RABEP1: variants seen among roughly 807,000 people sequenced by gnomAD.
RABEP1 encodes the protein rabaptin, RAB GTPase binding effector protein 1, also known as rab GTPase-binding effector protein 1.
Under a neutral mutation model 123.4 loss-of-function variants are expected in RABEP1, and 51 were observed. The ratio of observed to expected loss-of-function variants is 0.41; its 90% CI spans 0.33 to 0.52. The LOEUF is 0.52. RABEP1 is among the 20% of genes least tolerant of loss of function. RABEP1 has a pLI of 0.16. For missense variants in RABEP1, 888 were observed against 996.3 expected (o/e 0.89, Z 1.46); for synonymous variants, 347 against 355.2 (o/e 0.98, Z 0.26).
rs181713698 is a variant in RABEP1, at chr17:5,339,147, C to T, written c.648+1009C>T. 2.8e-4 allele frequency among the ~76,000 whole-genome samples: 42 copies of T among 151,212 alleles called. 1 individual carries two copies. In the South Asian group the frequency reaches 3.7e-3, roughly 13 times the overall value. On this transcript the variant is annotated intron_variant, in intron 5 of 17. Transcript: ENST00000537505. ...TGACAGAGTGAGACCCTGTCCCCCA[C>T]ACCCAAAGAAAAAAAGGAAGAAAGT...
intron 2 of RABEP1, among the ~76,000 whole-genome samples, chr17:5,312,399 C>G (rs572288405): frequency 6.6e-6 from 1 of 152,170 alleles, no homozygotes; most frequent in African/African-American, 2.4e-5. Flanking sequence ...GATCTGCCCG[C>G]CTCAGCCTCC....
At chr17:5,363,459 C>T (rs1909741054) in intron 10 of RABEP1, among the ~76,000 whole-genome samples, 1 of 152,044 alleles carries the variant, frequency 6.6e-6, no homozygotes, top group African/African-American at 2.4e-5. Flanking sequence ...ACTTCATGAT[C>T]CACCTGCCTC....
intron 1 of RABEP1, among the ~76,000 whole-genome samples, chr17:5,286,502 A>T (rs1597320493): frequency 6.8e-6 from 1 of 147,666 alleles, no homozygotes; most frequent in East Asian, 2.6e-4. Flanking sequence ...TCAAAAAAAA[A>T]AGAGTTGTAT....
chr17:5,373,340 G>C lies in RABEP1; in HGVS notation c.1911G>C (p.Gln637His), dbSNP rs746922781. The C allele has an allele frequency of 6.2e-7, 1 of 1,613,266 alleles. No homozygotes were observed. The highest frequency in any genetic ancestry group is 8.5e-7 in the Non-Finnish European group (1 of 1,179,844). ...CGGTGCTGATGCAGTCACGGGAACA[G>C]GTTTCAGAAGAGCTGGTGAGGTTAC... is the stretch of plus-strand genomic sequence containing the variant. ...QMAVLMQSRE[Q>H]VSEELVRLQK... is the part of the protein sequence containing the mutation. Residue 637 changes from glutamine (Q) to histidine (H), a missense_variant, in exon 13 of 18, where the codon CAG becomes CAC. Transcript: ENST00000537505.
In RABEP1 at chr17:5,386,279, T is replaced by C. The variant is rs1159356738; in HGVS notation, c.*3056T>C. 6.3e-7 allele frequency: 1 copy of C among 1,594,872 alleles called. No individual in the cohort carries two copies. On this transcript the variant is annotated 3_prime_UTR_variant, in exon 18 of 18. Coordinates refer to ENST00000537505, the MANE Select transcript of RABEP1 (RefSeq NM_004703.6). ...CCTTATATGTTCACCCCTGTAAAAT[T>C]GTAAAGTCACTCACTTTTGGAATTA...
At position 5,324,044 on chromosome 17, in the gene RABEP1, C is replaced by A. The variant is rs145306947; in HGVS notation, c.164-7905C>A. ...GCAATTTACAGATTCAATACAAATC[C>A]TATCAAAATACCAATGACATTTTTC... On this transcript the variant is annotated intron_variant, in intron 2 of 17. Coordinates refer to ENST00000537505, the MANE Select transcript of RABEP1 (RefSeq NM_004703.6). 4.0e-4 allele frequency among the ~76,000 whole-genome samples: 60 copies of A among 151,780 alleles called. 1 individual carries two copies. Among genetic ancestry groups the A allele is most frequent in the African/African-American group, 1.4e-3 (59 of 41,410 alleles).
In RABEP1 at chr17:5,386,009, T is replaced by C. The variant is rs1024013862; in HGVS notation, c.*2786T>C. 2 of 529,808 alleles carry C rather than the reference T, an allele frequency of 3.8e-6. No homozygotes were observed. Among genetic ancestry groups the C allele is most frequent in the African/African-American group, 3.9e-5 (2 of 50,718 alleles). The allele number at this position is 529,808 out of a possible 1,614,324, so 32.8% of individuals were successfully genotyped here. A position where few individuals can be genotyped will look rare whatever the true frequency, so the allele number is the denominator to read the frequency against. On this transcript the variant is annotated 3_prime_UTR_variant, in exon 18 of 18. Transcript: ENST00000537505. Reference sequence around the variant, plus strand: ...GTCCTTGCTGAACACAACTGTAGGCTTGAGTTATAAAGCACATTCCAAATT... The same window carrying C: ...GTCCTTGCTGAACACAACTGTAGGCCTGAGTTATAAAGCACATTCCAAATT...
At chr17:5,339,551 A>C (rs986031965) in intron 5 of RABEP1, among the ~76,000 whole-genome samples, 2 of 152,244 alleles carry the variant, frequency 1.3e-5, no homozygotes, top group South Asian at 2.1e-4. Context: ...TAATCCCAGC[A>C]CTTTGGGAGG....
intron 13 of RABEP1, among the ~76,000 whole-genome samples, chr17:5,373,693 A>AACAC (rs55736303): frequency 0.12 from 15,747 of 135,102 alleles, 1,177 homozygotes; most frequent in Non-Finnish European, 0.15. Context: ...ACACCAGCTA[A>AACAC]ACACACACAC....
At chr17:5,372,044 A>G (rs1432783845) in intron 12 of RABEP1, among the ~76,000 whole-genome samples, 1 of 152,036 alleles carries the variant, frequency 6.6e-6, no homozygotes, top group Non-Finnish European at 1.5e-5. Flanking sequence ...GCTTTATCTG[A>G]TACTCGGATT....
intron 8 of RABEP1, among the ~76,000 whole-genome samples, chr17:5,357,553 T>C (rs937588244): frequency 1.3e-5 from 2 of 152,046 alleles, no homozygotes; most frequent in Non-Finnish European, 2.9e-5. Context: ...GTATTTTTAG[T>C]ACAGACAAGT....
chr17:5,365,587 T>G (rs992167594), intron 11 of RABEP1, among the ~76,000 whole-genome samples: 1 of 151,934 alleles, frequency 6.6e-6, no homozygotes, highest in Non-Finnish European at 1.5e-5. Flanking sequence ...AAAAAACATA[T>G]ACAGATACAC....
intron 1 of RABEP1, among the ~76,000 whole-genome samples, chr17:5,291,610 T>G (rs1466488944): frequency 6.6e-6 from 1 of 152,138 alleles, no homozygotes; most frequent in Non-Finnish European, 1.5e-5. Context: ...TTTTGTTTTG[T>G]TTTATTAGTG....
chr17:5,293,022 G>A (rs1390829157), intron 1 of RABEP1, among the ~76,000 whole-genome samples: 1 of 152,110 alleles, frequency 6.6e-6, no homozygotes, highest in Non-Finnish European at 1.5e-5. Context: ...AGGTGTGGTG[G>A]CTCATGCCTA....
At chr17:5,380,582 A>G (rs2144735654) in intron 16 of RABEP1, 120 bp downstream of exon 16, 1 of 849,388 alleles carries the variant, frequency 1.2e-6, no homozygotes, top group Non-Finnish European at 1.9e-6. Flanking sequence ...AAGTTGGCAA[A>G]ACTGACAGCT....
chr17:5,300,044 C>T (rs1380739426), intron 1 of RABEP1, among the ~76,000 whole-genome samples: 1 of 152,026 alleles, frequency 6.6e-6, no homozygotes, highest in African/African-American at 2.4e-5. Flanking sequence ...CATTTCTAAA[C>T]TGCTTTTTCT....
At chr17:5,338,232 T>A in intron 5 of RABEP1, 94 bp downstream of exon 5, 2 of 1,374,828 alleles carry the variant, frequency 1.5e-6, no homozygotes, top group East Asian at 2.5e-5. Context: ...AAAAAACCTG[T>A]AATTTAGACT....
At chr17:5,325,635 G>A (rs1022343643) in intron 2 of RABEP1, among the ~76,000 whole-genome samples, 2 of 151,048 alleles carry the variant, frequency 1.3e-5, no homozygotes, top group African/African-American at 4.9e-5. Context: ...CTTGTTTACA[G>A]TAATCTATTC....
Position 5,377,166 on chromosome 17 carries a change from G to C in RABEP1, c.2076G>C (p.Arg692=). The change falls in exon 14 of 18, where the codon CGG becomes CGC. Residue 692 remains arginine, a synonymous_variant. Transcript: ENST00000537505. The part of the protein sequence containing the change: ...LKYREDIINV[R]TAADHVEEKL... ...ACCGTGAGGACATCATTAATGTGCG[G>C]ACAGCAGCAGACCACGTAGAAGAAA... The C allele has an allele frequency of 6.2e-7, 1 of 1,611,784 alleles. No homozygotes were observed. The highest frequency in any genetic ancestry group is 8.5e-7 in the Non-Finnish European group (1 of 1,179,506).
Sources: allele counts gnomAD v4.1 joint callset (sites outside exome capture counted in the v4.1 genomes callset), GRCh38; gene constraint gnomAD v4.1.1; transcripts MANE v1.5; gene names NCBI Gene and HGNC (gene_info 2026-07-23, HGNC 2026-07-21).